Variants in AFF3 observed in about 807,000 individuals in gnomAD.
AFF3 encodes the protein AF4/FMR2 family member 3.
AFF3 carries 32 observed loss-of-function variants against 129.7 expected under a neutral mutation model. The ratio of observed to expected loss-of-function variants is 0.25; its 90% CI spans 0.19 to 0.33. The LOEUF (loss-of-function observed/expected upper bound fraction) is 0.33, where lower values mean the gene tolerates loss of function less well. AFF3 is among the 10% of genes least tolerant of loss of function. AFF3 has a pLI of 1.00. For missense variants in AFF3, 1,373 were observed against 1,592.0 expected, an observed-to-expected ratio of 0.86 and a Z score of 2.34; for synonymous variants, 644 against 635.4, an observed-to-expected ratio of 1.01 and a Z score of -0.20.
chr2:99,920,133 A>G (rs1695754153), intron 7 of AFF3, among the ~76,000 whole-genome samples: 1 of 152,102 alleles, frequency 6.6e-6, no homozygotes, highest in Non-Finnish European at 1.5e-5. Flanking sequence ...GTTTTTCCAA[A>G]AAATGAATAA....
chr2:100,117,878 C>G (rs148600080), intron 2 of AFF3, among the ~76,000 whole-genome samples: 3 of 152,308 alleles, frequency 2.0e-5, no homozygotes, highest in African/African-American at 7.2e-5. Flanking sequence ...TGTATACTTT[C>G]AAGACCTCAT....
chr2:99,798,096 T>G (rs1468830465), intron 8 of AFF3, among the ~76,000 whole-genome samples: 1 of 152,028 alleles, frequency 6.6e-6, no homozygotes, highest in African/African-American at 2.4e-5. Flanking sequence ...AAGTAAAATG[T>G]TTGACAACAA....
chr2:99,782,083 G>C (rs751880145), intron 8 of AFF3, among the ~76,000 whole-genome samples: 10 of 152,126 alleles, frequency 6.6e-5, no homozygotes, highest in African/African-American at 2.2e-4. Context: ...AACCTGAAAG[G>C]GTTTTTTCTT....
At chr2:99,804,727 T>C (rs1200299443) in intron 8 of AFF3, among the ~76,000 whole-genome samples, 2 of 152,202 alleles carry the variant, frequency 1.3e-5, no homozygotes, top group Non-Finnish European at 2.9e-5. Context: ...ATGTGATATA[T>C]ACACCACAGG....
intron 7 of AFF3, among the ~76,000 whole-genome samples, chr2:99,938,855 T>C (rs1674766062): frequency 6.6e-6 from 1 of 152,214 alleles, no homozygotes; most frequent in Admixed American, 6.5e-5. Context: ...GTATATAATA[T>C]ACACTTGTCA....
chr2:99,690,101 C>G (rs538093369), intron 11 of AFF3, among the ~76,000 whole-genome samples: 1 of 147,952 alleles, frequency 6.8e-6, no homozygotes, highest in Non-Finnish European at 1.5e-5. Flanking sequence ...AACAAACAAA[C>G]CCCCCCACCC....
At chr2:99,865,976 T>C (rs1691360329) in intron 7 of AFF3, among the ~76,000 whole-genome samples, 1 of 152,250 alleles carries the variant, frequency 6.6e-6, no homozygotes, top group Non-Finnish European at 1.5e-5. Flanking sequence ...TGTCAGCCAT[T>C]GTGCTAGGCA....
chr2:99,980,209 C>T (rs1427856881), intron 7 of AFF3, among the ~76,000 whole-genome samples: 1 of 152,156 alleles, frequency 6.6e-6, no homozygotes. Context: ...GTGCTATTTG[C>T]CTTTCCCCTG....
At chr2:99,695,963 AAAAGAAAAAAC>A (rs1676214082) in intron 11 of AFF3, among the ~76,000 whole-genome samples, 1 of 119,116 alleles carries the variant, frequency 8.4e-6, no homozygotes, top group African/African-American at 3.8e-5. Context: ...AAAAAAAACC[AAAAGAAAAAAC>A]CAAAAAAAAA....
chr2:99,789,678 G>A lies in AFF3; in HGVS notation c.922-37377C>T, dbSNP rs150477712. 2.0e-5 allele frequency among the ~76,000 whole-genome samples: 3 copies of A among 152,200 alleles called. No individual in the cohort carries two copies. In the East Asian group the frequency reaches 5.8e-4, roughly 29 times the overall value. Reference sequence around the variant, plus strand: ...GAGAGACTTTCATTTTGGAACTGCTGACAATCACATCAAGAACAGGTCATG... The same window carrying A: ...GAGAGACTTTCATTTTGGAACTGCTAACAATCACATCAAGAACAGGTCATG... On this transcript the variant is annotated intron_variant, in intron 8 of 24. Coordinates refer to ENST00000672756, the MANE Select transcript of AFF3 (RefSeq NM_001386135.1).
intron 4 of AFF3, among the ~76,000 whole-genome samples, chr2:100,083,787 T>C (rs1403060803): frequency 1.3e-5 from 2 of 151,976 alleles, no homozygotes; most frequent in Non-Finnish European, 2.9e-5. Flanking sequence ...TCCTCAGCTT[T>C]ACAAGGCTAA....
At chr2:99,887,129 T>G (rs1693170670) in intron 7 of AFF3, among the ~76,000 whole-genome samples, 1 of 152,200 alleles carries the variant, frequency 6.6e-6, no homozygotes, top group African/African-American at 2.4e-5. Context: ...GGAAGACAGA[T>G]GAGCTAATCT....
intron 20 of AFF3, 24 bp downstream of exon 20, chr2:99,565,463 C>G: frequency 6.2e-7 from 1 of 1,608,062 alleles, no homozygotes. Context: ...CTCCCCTCAT[C>G]CAGCAAGAAA....
intron 16 of AFF3, among the ~76,000 whole-genome samples, chr2:99,585,884 A>C (rs559794706): frequency 1.1e-4 from 17 of 151,898 alleles, no homozygotes; most frequent in Non-Finnish European, 1.8e-4. Context: ...GTGTGCCACC[A>C]CACCCAGCTA....
intron 7 of AFF3, among the ~76,000 whole-genome samples, chr2:99,903,293 A>G (rs1001009077): frequency 2.0e-5 from 3 of 152,154 alleles, no homozygotes; most frequent in Non-Finnish European, 4.4e-5. Flanking sequence ...CTTTTAATCA[A>G]TGATATATGG....
chr2:99,594,251 T>C lies in AFF3; in HGVS notation c.1410A>G (p.Lys470=), dbSNP rs755496657. 1.2e-6 allele frequency: 2 copies of C among 1,612,616 alleles called. No individual in the cohort carries two copies. Among genetic ancestry groups the C allele is most frequent in the South Asian group, 1.1e-5 (1 of 90,834 alleles). Reference sequence around the variant, plus strand: ...TGTGGGGATTAACTTTGTTTAGCCATTTATCCAGCTGCCACTTGTTAGAGG... The same window carrying C: ...TGTGGGGATTAACTTTGTTTAGCCACTTATCCAGCTGCCACTTGTTAGAGG... ...PASSNKWQLD[K]WLNKVNPHKP... Residue 470 remains lysine, a synonymous_variant, in exon 15 of 25, where the codon AAA becomes AAG. Coordinates refer to ENST00000672756, the MANE Select transcript of AFF3 (RefSeq NM_001386135.1).
intron 10 of AFF3, among the ~76,000 whole-genome samples, chr2:99,740,914 C>G (rs999824006): frequency 4.6e-5 from 7 of 152,130 alleles, no homozygotes; most frequent in African/African-American, 1.7e-4. Flanking sequence ...AGGTTTTCTT[C>G]TAGGGTTTTT....
At chr2:99,890,755 C>T (rs1236336491) in intron 7 of AFF3, among the ~76,000 whole-genome samples, 1 of 152,094 alleles carries the variant, frequency 6.6e-6, no homozygotes, top group Non-Finnish European at 1.5e-5. Context: ...CTCTGCATGC[C>T]CCTGGCCTAT....
In AFF3 at chr2:100,121,288, G is replaced by C. The variant is rs181183053; in HGVS notation, c.-145+7936C>G. Among the ~76,000 whole-genome samples the C allele has an allele frequency of 9.8e-5, 15 of 152,320 alleles. No homozygotes were observed. In the East Asian group the frequency reaches 2.5e-3, roughly 25 times the overall value. On this transcript the variant is annotated intron_variant, in intron 2 of 24. Transcript: ENST00000672756. ...AGAGGAGAAGCAGCTGGGCTTCGGA[G>C]AATATAGTTGAACATCGGAGAGAAG...
Sources: gnomAD v4.1 joint callset for allele counts (sites outside exome capture counted in the v4.1 genomes callset) on GRCh38, gnomAD v4.1.1 for gene constraint, MANE v1.5 for transcripts, NCBI Gene and HGNC (gene_info 2026-07-23, HGNC 2026-07-21) for gene names.